The following SRGAP2B variants were observed in gnomAD, a reference collection of about 807,000 sequenced individuals.
SRGAP2B encodes the protein SLIT-ROBO Rho GTPase activating protein 2B.
SRGAP2B carries 9 observed loss-of-function variants against 22.2 expected under a neutral mutation model. That is an observed-to-expected ratio of 0.41 (90% CI 0.24 to 0.71). SRGAP2B has a LOEUF of 0.71. SRGAP2B is among the 30% of genes least tolerant of loss of function. SRGAP2B has a pLI of 0.35. For synonymous variants in SRGAP2B, 36 were observed against 87.4 expected (o/e 0.41, Z 3.28); for missense variants, 114 against 235.8 (o/e 0.48, Z 3.38).
intron 2 of SRGAP2B, among the ~76,000 whole-genome samples, chr1:145,088,094 CTATATTTAACTGAT>C (rs1553635716): frequency 7.2e-6 from 1 of 139,020 alleles, no homozygotes; most frequent in African/African-American, 2.7e-5. Context: ...TTCAAACTGA[CTATATTTAACTGAT>C]TATATTTAAA....
intron 2 of SRGAP2B, among the ~76,000 whole-genome samples, chr1:145,041,069 TATATA>T (rs1285313642): frequency 4.9e-4 from 43 of 87,708 alleles, no homozygotes; most frequent in Non-Finnish European, 7.1e-4. Flanking sequence ...TGCATGTATA[TATATA>T]GTATATATAT....
chr1:144,913,958 G>A (rs1553603307), intron 5 of SRGAP2B, among the ~76,000 whole-genome samples: 1 of 150,302 alleles, frequency 6.7e-6, no homozygotes, highest in Non-Finnish European at 1.5e-5. Flanking sequence ...TCCTTGGTGT[G>A]TATGTGTGTG....
At chr1:144,917,596 C>A (rs1334614114) in intron 4 of SRGAP2B, among the ~76,000 whole-genome samples, 1 of 146,470 alleles carries the variant, frequency 6.8e-6, no homozygotes, top group Non-Finnish European at 1.5e-5. Context: ...GCAATTAAGC[C>A]CAGGCAGATG....
intron 4 of SRGAP2B, among the ~76,000 whole-genome samples, chr1:144,928,520 C>T (rs1224460354): frequency 7.5e-6 from 1 of 132,762 alleles, no homozygotes; most frequent in African/African-American, 2.9e-5. Context: ...TCACTGCAAG[C>T]TCCGCCTCCT....
chr1:144,989,001 T>A (rs1397919779), intron 3 of SRGAP2B, among the ~76,000 whole-genome samples: 36 of 2,460 alleles, frequency 0.015, no homozygotes, highest in Non-Finnish European at 0.032. Flanking sequence ...TCCCCCCACT[T>A]TTTTTTTTTT....
intron 3 of SRGAP2B, among the ~76,000 whole-genome samples, chr1:144,994,565 TGTGAGAGA>T (rs1418472664): frequency 5.6e-5 from 2 of 35,442 alleles, no homozygotes; most frequent in Admixed American, 4.1e-4. Flanking sequence ...TGTGTGTGTG[TGTGAGAGA>T]GAGAGAGAGA....
intron 3 of SRGAP2B, among the ~76,000 whole-genome samples, chr1:144,981,166 G>GA (rs1477568679): frequency 6.8e-6 from 1 of 148,000 alleles, no homozygotes; most frequent in Non-Finnish European, 1.5e-5. Flanking sequence ...CTTGAAAAGA[G>GA]AACTGGATCA....
chr1:145,036,349 G>C (rs1194951107), intron 2 of SRGAP2B, among the ~76,000 whole-genome samples: 3 of 146,150 alleles, frequency 2.1e-5, no homozygotes, highest in African/African-American at 8.0e-5. Context: ...GGCAGCCCTC[G>C]ATTTACTGCC....
At chr1:144,993,319 G>A (rs587644854) in intron 3 of SRGAP2B, among the ~76,000 whole-genome samples, 2 of 151,168 alleles carry the variant, frequency 1.3e-5, no homozygotes, top group South Asian at 2.1e-4. Flanking sequence ...GTGGGATCTT[G>A]TTATAGTAGG....
At position 144,943,893 on chromosome 1, in the gene SRGAP2B, T is replaced by C. The variant is rs4997172; in HGVS notation, c.423+11546A>G. Among the ~76,000 whole-genome samples the C allele has an allele frequency of 1.3e-3, 189 of 150,720 alleles. 11 individuals are homozygous for C. The highest frequency in any genetic ancestry group is 4.5e-3 in the African/African-American group (180 of 40,258). On this transcript the variant is annotated intron_variant, in intron 4 of 9. Coordinates refer to ENST00000612199, the Ensembl canonical transcript of SRGAP2B. ...CTCAGCCCAAGGCAAACAGGATAGT[T>C]GGTCGTCTTAGGTGCTGCCCACTGT... is the stretch of plus-strand genomic sequence containing the variant.
At chr1:144,907,604 G>A (rs1481019734) in intron 5 of SRGAP2B, among the ~76,000 whole-genome samples, 1 of 149,948 alleles carries the variant, frequency 6.7e-6, no homozygotes, top group Non-Finnish European at 1.5e-5. Context: ...GGGAAATGTG[G>A]CAGTGTCTGG....
rs1162996039 is a variant in SRGAP2B, at chr1:145,010,364, TGA to T, written c.68-15166_68-15165del. 1.7e-4 allele frequency among the ~76,000 whole-genome samples: 21 copies of T among 125,734 alleles called. 1 individual carries two copies. Among genetic ancestry groups the T allele is most frequent in the African/African-American group, 7.0e-4 (21 of 30,082 alleles). The allele number at this position is 125,734 out of a possible 152,430, so 82.5% of individuals were successfully genotyped here. ...AAAAAAAAAGATAAGCTATAAAAAT[TGA>T]GAGATAGGAAGAGTAGTGCAAGGAA... is the stretch of plus-strand genomic sequence containing the variant. On this transcript the variant is annotated intron_variant, in intron 2 of 9. Transcript: ENST00000612199.
chr1:144,976,016 G>A (rs2772050), intron 3 of SRGAP2B, among the ~76,000 whole-genome samples: 2 of 149,366 alleles, frequency 1.3e-5, no homozygotes, highest in Non-Finnish European at 1.5e-5. Flanking sequence ...TGGGACCACA[G>A]GCGCCTGCCA....
At chr1:144,944,690 T>A (rs1553608114) in intron 4 of SRGAP2B, among the ~76,000 whole-genome samples, 1 of 139,920 alleles carries the variant, frequency 7.1e-6, no homozygotes, top group African/African-American at 2.7e-5. Context: ...TTGTTTTATT[T>A]ATTTATTTAT....
chr1:144,918,269 T>C (rs1664013249), intron 4 of SRGAP2B: 1 of 147,092 alleles, frequency 6.8e-6, no homozygotes. Flanking sequence ...ATAGTAATCT[T>C]TGCCTGGAAA....
intron 2 of SRGAP2B, among the ~76,000 whole-genome samples, chr1:145,019,175 T>C (rs1319945182): frequency 1.1e-4 from 1 of 8,906 alleles, no homozygotes; most frequent in African/African-American, 1.8e-4. Flanking sequence ...AGACCTTGTC[T>C]CTACAAAAAA....
chr1:145,044,642 C>A (rs1176773965), intron 2 of SRGAP2B, among the ~76,000 whole-genome samples: 2 of 90,058 alleles, frequency 2.2e-5, no homozygotes, highest in African/African-American at 4.2e-5. Flanking sequence ...TATATTTGAA[C>A]CCCCTCCTAA....
In SRGAP2B at chr1:144,930,717, C is replaced by T. The variant is rs587630763; in HGVS notation, c.424-15963G>A. On this transcript the variant is annotated intron_variant, in intron 4 of 9. Coordinates refer to ENST00000612199, the Ensembl canonical transcript of SRGAP2B. ...AATTGAAAGAAGTAATCACTGACTT[C>T]GAATTCTCTTTCCAATAAGTGGCCA... Among the ~76,000 whole-genome samples, 129 of 149,810 alleles carry T rather than the reference C, an allele frequency of 8.6e-4. 9 individuals are homozygous for T. The highest frequency in any genetic ancestry group is 3.1e-3 in the African/African-American group (122 of 39,718).
chr1:145,061,674 G>A (rs587696724), intron 2 of SRGAP2B, among the ~76,000 whole-genome samples: 2 of 148,516 alleles, frequency 1.3e-5, no homozygotes, highest in Middle Eastern at 3.4e-3. Context: ...TGCAACCTTC[G>A]CCTCCCGGGT....
Sources: allele counts gnomAD v4.1 joint callset (sites outside exome capture counted in the v4.1 genomes callset), GRCh38; gene constraint gnomAD v4.1.1; transcripts MANE v1.5; gene names NCBI Gene and HGNC (gene_info 2026-07-23, HGNC 2026-07-21).